The following SHISA9 variants were observed in gnomAD, a reference collection of about 807,000 sequenced individuals.
SHISA9 encodes protein shisa-9.
In SHISA9, 13 loss-of-function variants were observed where a neutral mutation model predicts 38.0. The observed-to-expected ratio is 0.34, with a 90% CI of 0.22 to 0.54. The LOEUF (loss-of-function observed/expected upper bound fraction) is 0.54. Ranked by LOEUF, SHISA9 falls within the 20% of genes least tolerant of loss-of-function variation. The probability of loss-of-function intolerance (pLI) is 0.91; values close to 1 mark genes in which losing one functional copy is unlikely to be tolerated. For missense variants in SHISA9, 538 were observed against 575.8 expected (o/e 0.93, Z 0.67); for synonymous variants, 275 against 242.0 (o/e 1.14, Z -1.27).
chr16:13,319,271 A>C, the SHISA9 span, among the ~76,000 whole-genome samples: 349 of 152,278 alleles, frequency 2.3e-3, 2 homozygotes, highest in African/African-American at 7.9e-3. Context: ...AGGCGACCCA[A>C]AGTGCTGGGA....
the SHISA9 span, among the ~76,000 whole-genome samples, chr16:13,549,341 A>T: frequency 3.6e-3 from 554 of 152,268 alleles, 1 homozygote; most frequent in African/African-American, 0.013. Flanking sequence ...AAGAAATGAT[A>T]AATGTATTAG....
intron 2 of SHISA9, among the ~76,000 whole-genome samples, chr16:13,194,423 G>T (rs1567242715): frequency 6.6e-6 from 1 of 152,190 alleles, no homozygotes; most frequent in Non-Finnish European, 1.5e-5. Flanking sequence ...GCTGTTTCCA[G>T]TGATGTAACT....
the SHISA9 span, among the ~76,000 whole-genome samples, chr16:13,251,422 G>C: frequency 6.6e-6 from 1 of 152,154 alleles, no homozygotes; most frequent in Non-Finnish European, 1.5e-5. Flanking sequence ...CTTGCTTTCT[G>C]ACTCAGTGCC....
intron 2 of SHISA9, among the ~76,000 whole-genome samples, chr16:12,992,379 A>AG (rs2072398165): frequency 6.6e-6 from 1 of 151,272 alleles, no homozygotes; most frequent in African/African-American, 2.4e-5. Context: ...AAAAAAAAAA[A>AG]AAGTAAACCG....
At chr16:12,903,347 G>A (rs1294031995) in intron 1 of SHISA9, among the ~76,000 whole-genome samples, 1 of 152,128 alleles carries the variant, frequency 6.6e-6, no homozygotes, top group Non-Finnish European at 1.5e-5. Context: ...GGCTGGCGTG[G>A]ACTCCGGGGG....
chr16:13,360,227 C>G, the SHISA9 span, among the ~76,000 whole-genome samples: 1 of 152,220 alleles, frequency 6.6e-6, no homozygotes, highest in African/African-American at 2.4e-5. Flanking sequence ...AACTGTCCTG[C>G]ACCCTCAGCT....
intron 2 of SHISA9, among the ~76,000 whole-genome samples, chr16:12,968,325 A>G (rs764275374): frequency 9.2e-5 from 14 of 151,838 alleles, no homozygotes; most frequent in Non-Finnish European, 1.6e-4. Flanking sequence ...GGTAATTCCA[A>G]TGTGTAGACT....
At chr16:13,355,631 G>A in the SHISA9 span, among the ~76,000 whole-genome samples, 103 of 152,218 alleles carry the variant, frequency 6.8e-4, 1 homozygote, top group Non-Finnish European at 1.0e-3. Context: ...GTTTTAAGAG[G>A]TTTAGAAGCC....
At chr16:13,118,123 A>T (rs1402230420) in intron 2 of SHISA9, among the ~76,000 whole-genome samples, 6 of 150,708 alleles carry the variant, frequency 4.0e-5, no homozygotes. Flanking sequence ...CGGAGGTTGC[A>T]GTGAGTGGAG....
chr16:13,229,769 A>C (rs1428779949), intron 4 of SHISA9, among the ~76,000 whole-genome samples: 1 of 152,212 alleles, frequency 6.6e-6, no homozygotes, highest in Non-Finnish European at 1.5e-5. Flanking sequence ...CAGCGTAGTC[A>C]GTGTTATGAT....
intron 2 of SHISA9, among the ~76,000 whole-genome samples, chr16:12,996,344 G>A (rs573838574): frequency 6.6e-6 from 1 of 152,302 alleles, no homozygotes; most frequent in Non-Finnish European, 1.5e-5. Context: ...TTCCCACGTA[G>A]CAACCATCAG....
chr16:13,163,259 A>T (rs1389034344), intron 2 of SHISA9, among the ~76,000 whole-genome samples: 1 of 152,198 alleles, frequency 6.6e-6, no homozygotes, highest in African/African-American at 2.4e-5. Flanking sequence ...ATGAGACCCC[A>T]ATGAGTCTCA....
At chr16:13,022,225 C>G (rs2072864492) in intron 2 of SHISA9, among the ~76,000 whole-genome samples, 1 of 152,122 alleles carries the variant, frequency 6.6e-6, no homozygotes, top group Admixed American at 6.5e-5. Context: ...AATCACAGCT[C>G]ACTGCAGCTT....
At chr16:13,148,045 A>G (rs940458604) in intron 2 of SHISA9, among the ~76,000 whole-genome samples, 2 of 152,120 alleles carry the variant, frequency 1.3e-5, no homozygotes, top group African/African-American at 4.8e-5. Flanking sequence ...AGGGTGTTCT[A>G]AACATTGGGG....
the SHISA9 span, among the ~76,000 whole-genome samples, chr16:13,413,129 A>G: frequency 6.6e-6 from 1 of 152,162 alleles, no homozygotes; most frequent in African/African-American, 2.4e-5. Context: ...TCTGACTCTG[A>G]AGGATGAGGA....
the SHISA9 span, among the ~76,000 whole-genome samples, chr16:13,367,043 G>A: frequency 8.0e-5 from 12 of 150,766 alleles, no homozygotes; most frequent in African/African-American, 2.2e-4. Context: ...TAATATATGT[G>A]TACAATTCCT....
chr16:13,084,597 G>A (rs1266985671), intron 2 of SHISA9, among the ~76,000 whole-genome samples: 1 of 152,116 alleles, frequency 6.6e-6, no homozygotes, highest in East Asian at 1.9e-4. Context: ...ACAGTCCAGT[G>A]GGAAAGGCAA....
intron 2 of SHISA9, among the ~76,000 whole-genome samples, chr16:13,068,210 C>T (rs2073456873): frequency 6.6e-6 from 1 of 152,180 alleles, no homozygotes; most frequent in Admixed American, 6.5e-5. Context: ...CCTTCCTTTG[C>T]CTCAGTTTCT....
At chr16:13,170,412 TG>T in intron 2 of SHISA9, among the ~76,000 whole-genome samples, 1 of 152,100 alleles carries the variant, frequency 6.6e-6, no homozygotes, top group East Asian at 1.9e-4. Flanking sequence ...TACCCAAGAC[TG>T]GGTAATTTAT....
Sources: gnomAD v4.1 joint callset for allele counts (sites outside exome capture counted in the v4.1 genomes callset) on GRCh38, gnomAD v4.1.1 for gene constraint, MANE v1.5 for transcripts, NCBI Gene and HGNC (gene_info 2026-07-23, HGNC 2026-07-21) for gene names.